Variants in MIA2 observed in about 807,000 individuals in gnomAD.
MIA2 encodes the protein melanoma inhibitory activity protein 2.
In MIA2, 127 loss-of-function variants were observed where a neutral mutation model predicts 167.8. That is an observed-to-expected ratio of 0.76 (90% CI 0.66 to 0.88). The LOEUF (loss-of-function observed/expected upper bound fraction) is 0.88, where lower values mean the gene tolerates loss of function less well. Ranked by LOEUF, MIA2 falls within the 40% of genes least tolerant of loss-of-function variation. The pLI is 0.00. For missense variants in MIA2, 1,690 were observed against 1,624.7 expected (o/e 1.04, Z -0.69); for synonymous variants, 552 against 541.9 (o/e 1.02, Z -0.26).
At chr14:39,347,839 T>TA in intron 27 of MIA2, 68 bp downstream of exon 27, 1 of 1,353,620 alleles carries the variant, frequency 7.4e-7, no homozygotes, top group Non-Finnish European at 1.0e-6. Flanking sequence ...TTTTTTTTTT[T>TA]TTATGGAGTT....
intron 23 of MIA2, chr14:39,385,616 G>T (rs1346515087): frequency 2.4e-6 from 2 of 821,120 alleles, no homozygotes; most frequent in East Asian, 2.4e-5. Flanking sequence ...TGGGTCTCTG[G>T]ATTGGGGCTT....
At position 39,275,070 on chromosome 14, in the gene MIA2, G is replaced by A. The variant is rs1312320957; in HGVS notation, c.1888-1864G>A. Among the ~76,000 whole-genome samples, 6 of 102,556 alleles carry A rather than the reference G, an allele frequency of 5.9e-5. No homozygotes were observed. The East Asian group carries it at 1.3e-3, about 22-fold the overall frequency. 67.3% of individuals were successfully genotyped at this position (102,556 alleles called of 152,430 possible). ...AGCCTCGGCAACAGAGTGAGACTCC[G>A]TCTCAAAAAAAAAAAAAAATTTTTT... On this transcript the variant is annotated intron_variant, in intron 6 of 28. Transcript: ENST00000640607.
At chr14:39,360,434 T>A (rs1248091962) in intron 23 of MIA2, among the ~76,000 whole-genome samples, 1 of 152,224 alleles carries the variant, frequency 6.6e-6, no homozygotes, top group East Asian at 1.9e-4. Flanking sequence ...TGAATTCATG[T>A]CCTTTGCCCA....
Position 39,293,527 on chromosome 14 carries a change from A to G in MIA2, c.2319+146A>G, listed in dbSNP as rs1380767166. 5.3e-6 allele frequency: 3 copies of G among 565,506 alleles called. No individual in the cohort carries two copies. In the East Asian group the frequency reaches 9.4e-5, roughly 18 times the overall value. 35.0% of individuals were successfully genotyped at this position (565,506 alleles called of 1,614,324 possible). A position where few individuals can be genotyped will look rare whatever the true frequency, so the allele number is the denominator to read the frequency against. ...GTAGAGAGCAAAATTTTCTAGATCCATTCTTTTCACTTCCCCCAGATGTTA... is the reference window on the plus strand; with the variant it reads ...GTAGAGAGCAAAATTTTCTAGATCCGTTCTTTTCACTTCCCCCAGATGTTA... On this transcript the variant is annotated intron_variant, in intron 11 of 28. Transcript: ENST00000640607.
chr14:39,357,958 C>T (rs543324709), intron 23 of MIA2, among the ~76,000 whole-genome samples: 84 of 152,238 alleles, frequency 5.5e-4, no homozygotes, highest in Admixed American at 9.8e-4. Context: ...GTGGGTAACC[C>T]GACCTTTCTC....
At chr14:39,360,909 G>C (rs1402821521) in intron 23 of MIA2, among the ~76,000 whole-genome samples, 1 of 152,188 alleles carries the variant, frequency 6.6e-6, no homozygotes, top group Non-Finnish European at 1.5e-5. Flanking sequence ...TATTGAGAGT[G>C]TTCTTTCCTC....
intron 9 of MIA2, among the ~76,000 whole-genome samples, chr14:39,289,643 T>A (rs2060458506): frequency 6.6e-6 from 1 of 152,190 alleles, no homozygotes; most frequent in Non-Finnish European, 1.5e-5. Flanking sequence ...CTAGAACTGA[T>A]CTTTTAAAAA....
chr14:39,268,138 A>G (rs1337307960), intron 6 of MIA2, among the ~76,000 whole-genome samples: 1 of 152,142 alleles, frequency 6.6e-6, no homozygotes, highest in East Asian at 1.9e-4. Flanking sequence ...TTTATAATCA[A>G]GTTGTAGAGA....
chr14:39,285,799 C>T (rs1274341095), intron 9 of MIA2, among the ~76,000 whole-genome samples: 2 of 151,468 alleles, frequency 1.3e-5, no homozygotes, highest in Non-Finnish European at 2.9e-5. Flanking sequence ...CTCCTCACTT[C>T]TCAGATGGGG....
At chr14:39,269,545 G>T (rs761220285) in intron 6 of MIA2, among the ~76,000 whole-genome samples, 1 of 151,064 alleles carries the variant, frequency 6.6e-6, no homozygotes, top group East Asian at 1.9e-4. Context: ...TTGAGACAGG[G>T]TCTCATCCCT....
chr14:39,313,951 A>G (rs1372718131), intron 19 of MIA2, among the ~76,000 whole-genome samples: 1 of 152,232 alleles, frequency 6.6e-6, no homozygotes, highest in Non-Finnish European at 1.5e-5. Context: ...GCAGTATCCC[A>G]AATAGTTGTG....
intron 23 of MIA2, chr14:39,385,769 C>T (rs1014206260): frequency 1.1e-5 from 10 of 873,806 alleles, no homozygotes; most frequent in Non-Finnish European, 1.8e-5. Context: ...GAATTTGTTA[C>T]CAGGTCATTT....
At chr14:39,330,577 C>T (rs988434185) in intron 25 of MIA2, among the ~76,000 whole-genome samples, 6 of 152,004 alleles carry the variant, frequency 3.9e-5, no homozygotes, top group African/African-American at 1.4e-4. Flanking sequence ...AGATTTTTCC[C>T]GCTTGATCTC....
chr14:39,246,317 G>A (rs948850183), intron 3 of MIA2, among the ~76,000 whole-genome samples: 3 of 151,414 alleles, frequency 2.0e-5, no homozygotes, highest in African/African-American at 7.3e-5. Context: ...GGCTGGTCTC[G>A]AACTCCTAAG....
At chr14:39,238,862 C>CT (rs1433644186) in intron 2 of MIA2, among the ~76,000 whole-genome samples, 1 of 146,828 alleles carries the variant, frequency 6.8e-6, no homozygotes, top group Non-Finnish European at 1.5e-5. Flanking sequence ...TGGCCCGAAG[C>CT]TTTAGTATGC....
intron 12 of MIA2, among the ~76,000 whole-genome samples, chr14:39,294,473 C>T (rs999195354): frequency 9.9e-5 from 15 of 151,890 alleles, no homozygotes; most frequent in Non-Finnish European, 2.9e-5. Flanking sequence ...GCTGGGATTA[C>T]AGGCATGAGC....
At chr14:39,359,478 T>C (rs1595938692) in intron 23 of MIA2, among the ~76,000 whole-genome samples, 1 of 151,714 alleles carries the variant, frequency 6.6e-6, no homozygotes, top group Non-Finnish European at 1.5e-5. Flanking sequence ...GGAAAGGGAG[T>C]TCCCTGACTC....
intron 23 of MIA2, chr14:39,386,875 C>G (rs2075280396): frequency 1.2e-6 from 1 of 841,570 alleles, no homozygotes; most frequent in South Asian, 1.3e-5. Context: ...CGGTCGTTCT[C>G]TCTCACCAGG....
chr14:39,303,735 T>G (rs376299368), intron 16 of MIA2, among the ~76,000 whole-genome samples: 1 of 152,112 alleles, frequency 6.6e-6, no homozygotes, highest in South Asian at 2.1e-4. Flanking sequence ...AATAAAAAAT[T>G]CCAAGTTCTG....
Sources: gnomAD v4.1 joint callset for allele counts (sites outside exome capture counted in the v4.1 genomes callset) on GRCh38, gnomAD v4.1.1 for gene constraint, MANE v1.5 for transcripts, NCBI Gene and HGNC (gene_info 2026-07-23, HGNC 2026-07-21) for gene names.